The following GNAT3 variants were observed in gnomAD, a reference collection of about 807,000 sequenced individuals.
GNAT3 encodes the protein G protein subunit alpha transducin 3, also known as guanine nucleotide-binding protein G(t) subunit alpha-3.
GNAT3 carries 31 observed loss-of-function variants against 37.7 expected under a neutral mutation model. The ratio of observed to expected loss-of-function variants is 0.82; its 90% CI spans 0.62 to 1.11. The LOEUF (loss-of-function observed/expected upper bound fraction) is 1.11, where lower values mean the gene tolerates loss of function less well. Ranked by LOEUF, GNAT3 falls within the 50% of genes most tolerant of loss-of-function variation. GNAT3 has a pLI of 0.00. For synonymous variants in GNAT3, 138 were observed against 139.8 expected (o/e 0.99, Z 0.09); for missense variants, 437 against 412.5 (o/e 1.06, Z -0.51).
intron 2 of GNAT3, among the ~76,000 whole-genome samples, chr7:80,490,798 G>A (rs1403891280): frequency 6.6e-6 from 1 of 152,152 alleles, no homozygotes; most frequent in African/African-American, 2.4e-5. Context: ...GTTAGTTTGT[G>A]ATACACCTGG....
chr7:80,494,448 G>C (rs994343121), intron 2 of GNAT3, among the ~76,000 whole-genome samples, 157 bp downstream of exon 2: 1 of 152,110 alleles, frequency 6.6e-6, no homozygotes, highest in African/African-American at 2.4e-5. Context: ...TTCTGCTAAA[G>C]GATACAAGGT....
chr7:80,488,969 T>C (rs1349050317), intron 2 of GNAT3, among the ~76,000 whole-genome samples: 4 of 152,092 alleles, frequency 2.6e-5, no homozygotes, highest in African/African-American at 9.7e-5. Flanking sequence ...ACTTAGAAAG[T>C]CTATTTTTTT....
At position 80,511,954 on chromosome 7, in the gene GNAT3, A is replaced by T. The variant is rs901005564; in HGVS notation, c.-28T>A. ...TGTGGTGGTAGATACTTGTCAGTTT[A>T]TATGTTCAGATTTTTCAAATGTTGA... On this transcript the variant is annotated 5_prime_UTR_variant, in exon 1 of 8. Coordinates refer to ENST00000398291, the MANE Select transcript of GNAT3 (RefSeq NM_001102386.3). 6.7e-7 allele frequency: 1 copy of T among 1,499,946 alleles called. No homozygotes were observed. The highest frequency in any genetic ancestry group is 1.4e-5 in the African/African-American group (1 of 72,268). 92.9% of individuals were successfully genotyped at this position (1,499,946 alleles called of 1,614,324 possible). A position where few individuals can be genotyped will look rare whatever the true frequency, so the allele number is the denominator to read the frequency against.
intron 1 of GNAT3, among the ~76,000 whole-genome samples, chr7:80,499,417 G>T (rs1479377943): frequency 1.3e-5 from 2 of 152,036 alleles, no homozygotes; most frequent in African/African-American, 2.4e-5. Context: ...ACAGAATCTA[G>T]CTCTGTTGCC....
At chr7:80,493,223 A>G (rs1007927725) in intron 2 of GNAT3, among the ~76,000 whole-genome samples, 2 of 152,104 alleles carry the variant, frequency 1.3e-5, no homozygotes, top group African/African-American at 2.4e-5. Flanking sequence ...TTCAAGCATG[A>G]TCACAGCCTG....
At chr7:80,477,250 T>C (rs1358776019) in intron 4 of GNAT3, among the ~76,000 whole-genome samples, 2 of 152,166 alleles carry the variant, frequency 1.3e-5, no homozygotes, top group Admixed American at 6.6e-5. Context: ...TTAATCTATC[T>C]TTCTCTCTAG....
chr7:80,506,937 A>G (rs926352498), intron 1 of GNAT3, among the ~76,000 whole-genome samples: 5 of 152,124 alleles, frequency 3.3e-5, no homozygotes, highest in African/African-American at 1.2e-4. Context: ...AACTGTAGCC[A>G]TTATGCTATA....
intron 1 of GNAT3, among the ~76,000 whole-genome samples, chr7:80,499,452 A>G (rs952552340): frequency 6.6e-6 from 1 of 152,008 alleles, no homozygotes; most frequent in Non-Finnish European, 1.5e-5. Context: ...TAGCATGATC[A>G]TGACTCACTG....
At chr7:80,461,737 A>G (rs1217472033) in intron 7 of GNAT3, among the ~76,000 whole-genome samples, 1 of 152,144 alleles carries the variant, frequency 6.6e-6, no homozygotes, top group African/African-American at 2.4e-5. Context: ...TCATTCTCAA[A>G]TTCATTCATG....
intron 3 of GNAT3, among the ~76,000 whole-genome samples, chr7:80,482,279 C>G (rs1790403187): frequency 6.6e-6 from 1 of 152,116 alleles, no homozygotes; most frequent in African/African-American, 2.4e-5. Flanking sequence ...GAAATATGCT[C>G]TGGTCACTTT....
At chr7:80,483,094 A>G (rs117013824) in intron 3 of GNAT3, among the ~76,000 whole-genome samples, 1,610 of 152,126 alleles carry the variant, frequency 0.011, 18 homozygotes, top group Admixed American at 0.021. Context: ...CATATGGTGT[A>G]CCCTTAAAAG....
chr7:80,497,664 GTATATACATACA>G lies in GNAT3; in HGVS notation c.119-3029_119-3018del, dbSNP rs148223278. 3.1e-3 allele frequency among the ~76,000 whole-genome samples: 288 copies of G among 94,102 alleles called. 41 individuals carry two copies. Among genetic ancestry groups the G allele is most frequent in the African/African-American group, 0.011 (159 of 14,292 alleles). The allele number at this position is 94,102 out of a possible 152,430, so 61.7% of individuals were successfully genotyped here. On this transcript the variant is annotated intron_variant, in intron 1 of 7. Coordinates refer to ENST00000398291, the MANE Select transcript of GNAT3 (RefSeq NM_001102386.3). ...TATACATATACGTATATACATATAC[GTATATACATACA>G]TATATACACACACACTGTCTTAAAT...
At chr7:80,468,773 T>C (rs1790163748) in intron 5 of GNAT3, among the ~76,000 whole-genome samples, 1 of 152,088 alleles carries the variant, frequency 6.6e-6, no homozygotes, top group South Asian at 2.1e-4. Flanking sequence ...TTTATAACTG[T>C]AAGGGAGCCA....
chr7:80,509,426 CAAAT>C (rs1434765891), intron 1 of GNAT3, among the ~76,000 whole-genome samples: 1 of 151,828 alleles, frequency 6.6e-6, no homozygotes, highest in African/African-American at 2.4e-5. Flanking sequence ...GTGTTGGAAC[CAAAT>C]AAATCCAAGT....
chr7:80,512,034 A>G lies in GNAT3; in HGVS notation c.-108T>C. ...AGAGTAATGCTCTGCTGAAGTACCTAGCAGTCCATTCCCTAATGCTCTAAG... is the reference window on the plus strand; with the variant it reads ...AGAGTAATGCTCTGCTGAAGTACCTGGCAGTCCATTCCCTAATGCTCTAAG... On this transcript the variant is annotated 5_prime_UTR_variant, in exon 1 of 8. The change abolishes the stop of an existing upstream ORF in the 5' untranslated region. Coordinates refer to ENST00000398291, the MANE Select transcript of GNAT3 (RefSeq NM_001102386.3). 1 of 697,066 alleles carries G rather than the reference A, an allele frequency of 1.4e-6. No individual in the cohort carries two copies. Among genetic ancestry groups the G allele is most frequent in the Non-Finnish European group, 2.5e-6 (1 of 395,618 alleles). The allele number at this position is 697,066 out of a possible 1,614,324, so 43.2% of individuals were successfully genotyped here.
At chr7:80,496,196 T>A (rs1246446837) in intron 1 of GNAT3, among the ~76,000 whole-genome samples, 3 of 152,178 alleles carry the variant, frequency 2.0e-5, no homozygotes, top group Non-Finnish European at 4.4e-5. Context: ...AGTGGCAAGA[T>A]CTCTGCTCAC....
At chr7:80,476,645 T>A (rs537775800) in intron 4 of GNAT3, among the ~76,000 whole-genome samples, 2 of 151,878 alleles carry the variant, frequency 1.3e-5, no homozygotes, top group South Asian at 4.1e-4. Context: ...GTATCTTACT[T>A]TTACCAGAAA....
intron 2 of GNAT3, among the ~76,000 whole-genome samples, chr7:80,493,244 G>A (rs560707921): frequency 6.6e-6 from 1 of 152,208 alleles, no homozygotes; most frequent in African/African-American, 2.4e-5. Flanking sequence ...GGAGACAAGA[G>A]CAGGCAGATA....
At chr7:80,500,289 A>G (rs1337397269) in intron 1 of GNAT3, among the ~76,000 whole-genome samples, 1 of 150,248 alleles carries the variant, frequency 6.7e-6, no homozygotes, top group East Asian at 2.0e-4. Context: ...ACTTTTTTTC[A>G]CATCTCTTAC....
Sources: allele counts gnomAD v4.1 joint callset (sites outside exome capture counted in the v4.1 genomes callset), GRCh38; gene constraint gnomAD v4.1.1; transcripts MANE v1.5; gene names NCBI Gene and HGNC (gene_info 2026-07-23, HGNC 2026-07-21).